Variants in WWC1 observed in about 807,000 individuals in gnomAD.
The protein encoded by WWC1 is WW and C2 domain containing 1.
In WWC1, 55 loss-of-function variants were observed where a neutral mutation model predicts 138.4. That is an observed-to-expected ratio of 0.40 (90% confidence interval 0.32 to 0.50). The LOEUF (loss-of-function observed/expected upper bound fraction) is 0.50. Among genes scored for constraint, WWC1 ranks in the 20% least tolerant of loss-of-function variants. The pLI is 0.72. For synonymous variants in WWC1, 524 were observed against 564.9 expected, an observed-to-expected ratio of 0.93 and a Z score of 1.03; for missense variants, 1,226 against 1,420.4, an observed-to-expected ratio of 0.86 and a Z score of 2.20.
At chr5:168,353,606 C>T (rs1775162459) in intron 1 of WWC1, among the ~76,000 whole-genome samples, 1 of 152,238 alleles carries the variant, frequency 6.6e-6, no homozygotes, top group Non-Finnish European at 1.5e-5. Context: ...CCCAGGGAGC[C>T]TTTGCACCTG....
At position 168,469,401 on chromosome 5, in the gene WWC1, A is replaced by G. The variant is rs888664230; in HGVS notation, c.*384A>G. ...TCCACCTTTTAGAGGTCTTACTGCA[A>G]TAAGAAGTAATGCCTGGGGGACGGT... On this transcript the variant is annotated 3_prime_UTR_variant, in exon 23 of 23. Coordinates refer to ENST00000265293, the MANE Select transcript of WWC1 (RefSeq NM_015238.3). 3.1e-5 allele frequency: 6 copies of G among 190,922 alleles called. No individual in the cohort carries two copies. Among genetic ancestry groups the G allele is most frequent in the South Asian group, 2.4e-4 (2 of 8,270 alleles). The allele number at this position is 190,922 out of a possible 1,614,324, so 11.8% of individuals were successfully genotyped here. A position where few individuals can be genotyped will look rare whatever the true frequency, so the allele number is the denominator to read the frequency against.
intron 3 of WWC1, among the ~76,000 whole-genome samples, chr5:168,396,522 C>G (rs1402285738): frequency 3.3e-5 from 5 of 152,166 alleles, no homozygotes; most frequent in African/African-American, 1.2e-4. Context: ...ATTAAGGACT[C>G]ACAGGAGAAA....
At chr5:168,338,425 G>GC (rs1157411101) in intron 1 of WWC1, among the ~76,000 whole-genome samples, 1 of 140,662 alleles carries the variant, frequency 7.1e-6, no homozygotes, top group Non-Finnish European at 1.5e-5. Flanking sequence ...TTTTTTTTTG[G>GC]GGGGGGATTG....
At chr5:168,371,583 C>A in intron 2 of WWC1, 50 bp downstream of exon 2, 2 of 1,351,202 alleles carry the variant, frequency 1.5e-6, no homozygotes, top group Non-Finnish European at 1.1e-6. Context: ...ATCCCTCCAC[C>A]TCCAAGCCCA....
chr5:168,400,912 G>C (rs1561709295), intron 5 of WWC1, among the ~76,000 whole-genome samples: 1 of 151,006 alleles, frequency 6.6e-6, no homozygotes, highest in Non-Finnish European at 1.5e-5. Context: ...GGGAAGGAAA[G>C]GAAAGGAAAA....
chr5:168,382,966 A>G (rs545341452), intron 2 of WWC1, among the ~76,000 whole-genome samples: 27 of 152,244 alleles, frequency 1.8e-4, no homozygotes, highest in South Asian at 4.1e-4. Context: ...ACCTGAGGTC[A>G]GGAGTTCAAG....
intron 17 of WWC1, among the ~76,000 whole-genome samples, chr5:168,445,246 G>A (rs982356418): frequency 6.6e-6 from 1 of 151,906 alleles, no homozygotes; most frequent in African/African-American, 2.4e-5. Context: ...CCCAGGATGG[G>A]GAGGTTGCAG....
intron 9 of WWC1, chr5:168,415,006 C>T (rs1018934527): frequency 5.8e-6 from 1 of 172,722 alleles, no homozygotes; most frequent in East Asian, 1.6e-4. Context: ...TGTTTTCTCC[C>T]TTCTGTTGCA....
chr5:168,467,555 C>T (rs368572526), intron 21 of WWC1: 7 of 336,442 alleles, frequency 2.1e-5, no homozygotes, highest in African/African-American at 8.3e-5. Context: ...CATCTACCCT[C>T]CTAGGTGGCC....
chr5:168,400,176 T>C (rs1381430581), intron 5 of WWC1, among the ~76,000 whole-genome samples: 1 of 145,714 alleles, frequency 6.9e-6, no homozygotes, highest in South Asian at 2.2e-4. Context: ...TTCTTCTTCT[T>C]CTTTTTTTTA....
intron 1 of WWC1, among the ~76,000 whole-genome samples, chr5:168,319,288 C>T (rs1187118505): frequency 2.0e-5 from 3 of 152,044 alleles, no homozygotes; most frequent in South Asian, 2.1e-4. Flanking sequence ...GACGTGGTGG[C>T]GGGTGCCTGT....
At chr5:168,301,596 C>T (rs1337600567) in intron 1 of WWC1, among the ~76,000 whole-genome samples, 3 of 150,002 alleles carry the variant, frequency 2.0e-5, no homozygotes, top group Non-Finnish European at 2.9e-5. Flanking sequence ...CGAGATTGTG[C>T]TATTGCACTC....
intron 3 of WWC1, among the ~76,000 whole-genome samples, chr5:168,385,634 T>C (rs1777986847): frequency 6.6e-6 from 1 of 152,238 alleles, no homozygotes; most frequent in African/African-American, 2.4e-5. Context: ...CATCTCAGAA[T>C]GCCAGTCGGA....
intron 16 of WWC1, among the ~76,000 whole-genome samples, chr5:168,443,689 C>A (rs1409559008): frequency 1.3e-5 from 2 of 152,188 alleles, no homozygotes; most frequent in African/African-American, 4.8e-5. Context: ...TTCACAGTGC[C>A]TGCTATATAC....
In WWC1 at chr5:168,385,433, C is replaced by A; in HGVS notation, c.433+19C>A. 1.2e-6 allele frequency: 2 copies of A among 1,609,718 alleles called. No homozygotes were observed. The highest frequency in any genetic ancestry group is 1.1e-5 in the South Asian group (1 of 90,812). On this transcript the variant is annotated intron_variant, in intron 3 of 22. Transcript: ENST00000265293. ...GTCAGCTGTGAGTACCTCCCACTAC[C>A]ACCACCCCCACCGACACCAACAGAG... is the stretch of plus-strand genomic sequence containing the variant.
At chr5:168,429,027 G>A (rs1781734518) in intron 13 of WWC1, among the ~76,000 whole-genome samples, 1 of 152,158 alleles carries the variant, frequency 6.6e-6, no homozygotes. Context: ...AAGACCTTAT[G>A]ACTTGGCCCA....
chr5:168,407,832 A>G (rs1369798432), intron 6 of WWC1, among the ~76,000 whole-genome samples: 2 of 151,912 alleles, frequency 1.3e-5, no homozygotes, highest in Admixed American at 6.6e-5. Flanking sequence ...AATCAAGATG[A>G]TGGCCCTGTG....
intron 1 of WWC1, among the ~76,000 whole-genome samples, chr5:168,331,537 G>T (rs1298151857): frequency 2.6e-5 from 4 of 152,222 alleles, no homozygotes; most frequent in African/African-American, 9.7e-5. Context: ...GTCCTACAGT[G>T]TGATTGATCA....
At chr5:168,453,877 G>C in intron 17 of WWC1, 91 bp from the exon 18 acceptor site, 1 of 1,573,958 alleles carries the variant, frequency 6.4e-7, no homozygotes, top group Admixed American at 2.1e-5. Context: ...TCATCAAAAG[G>C]ATTGGAAGCC....
Sources: allele counts gnomAD v4.1 joint callset (sites outside exome capture counted in the v4.1 genomes callset), GRCh38; gene constraint gnomAD v4.1.1; transcripts MANE v1.5; gene names NCBI Gene and HGNC (gene_info 2026-07-23, HGNC 2026-07-21).